The following CRELD2 variants were observed in gnomAD, a reference collection of about 807,000 sequenced individuals.
CRELD2 encodes protein disulfide isomerase CRELD2.
CRELD2 carries 33 observed loss-of-function variants against 48.1 expected under a neutral mutation model. The observed-to-expected ratio is 0.69, with a 90% CI of 0.52 to 0.92. The LOEUF is 0.92. Among genes scored for constraint, CRELD2 ranks in the 40% least tolerant of loss-of-function variants. CRELD2 has a pLI of 0.00. For missense variants in CRELD2, 477 were observed against 482.4 expected (o/e 0.99, Z 0.10); for synonymous variants, 220 against 203.9 (o/e 1.08, Z -0.67).
At chr22:49,921,950 T>G in intron 5 of CRELD2, 189 bp downstream of exon 5, 1 of 641,776 alleles carries the variant, frequency 1.6e-6, no homozygotes, top group Non-Finnish European at 2.7e-6. Context: ...GGGCACTTCC[T>G]GTCCCGTAAC....
Position 49,918,811 on chromosome 22 carries a change from TCTG to T in CRELD2, c.53_55del (p.Leu18del), listed in dbSNP as rs778994692. 5.4e-5 allele frequency: 72 copies of T among 1,330,246 alleles called. No individual in the cohort carries two copies. Among genetic ancestry groups the T allele is most frequent in the South Asian group, 3.3e-4 (17 of 51,392 alleles). The allele number at this position is 1,330,246 out of a possible 1,614,324, so 82.4% of individuals were successfully genotyped here. A position where few individuals can be genotyped will look rare whatever the true frequency, so the allele number is the denominator to read the frequency against. On this transcript the variant is annotated inframe_deletion, in exon 1 of 10. Coordinates refer to ENST00000328268, the MANE Select transcript of CRELD2 (RefSeq NM_024324.5). ...GGGCCGCGCTGGGGCTCCTGCCGCT[TCTG>T]CTGCTGCTGCCGCCCGCGCCGGAGG...
Position 49,920,015 on chromosome 22 carries a change from TAAG to T in CRELD2, c.324-140_324-138del, listed in dbSNP as rs1341535081. 5.2e-6 allele frequency: 4 copies of T among 774,692 alleles called. No homozygotes were observed. The African/African-American group carries it at 7.0e-5, about 14-fold the overall frequency. The allele number at this position is 774,692 out of a possible 1,614,324, so 48.0% of individuals were successfully genotyped here. On this transcript the variant is annotated intron_variant, in intron 3 of 9. Coordinates refer to ENST00000328268, the MANE Select transcript of CRELD2 (RefSeq NM_024324.5). ...GAGTCAGCGATCAAAACCAGGAAAT[TAAG>T]GAGAAGATTCTGTCCACACCTAGAC...
At chr22:49,920,076 C>A in intron 3 of CRELD2, 80 bp from the exon 4 acceptor site, 1 of 937,470 alleles carries the variant, frequency 1.1e-6, no homozygotes. Flanking sequence ...TACTCCAGAG[C>A]ATATGTTACG....
Position 49,922,600 on chromosome 22 carries a change from T to C in CRELD2, c.593-12T>C, listed in dbSNP as rs1232478440. The C allele has an allele frequency of 2.0e-6, 3 of 1,534,376 alleles. No individual in the cohort carries two copies. Among genetic ancestry groups the C allele is most frequent in the Admixed American group, 2.0e-5 (1 of 50,602 alleles). On this transcript the variant is annotated splice_polypyrimidine_tract_variant and intron_variant, in intron 5 of 9. Transcript: ENST00000328268. ...AGTGGGGTTTGTACCCAGGCCCGCC[T>C]TTGCCTTCCAGCCTGTGACGAGTCC...
chr22:49,921,814 C>T, intron 5 of CRELD2, 53 bp downstream of exon 5: 2 of 1,553,432 alleles, frequency 1.3e-6, no homozygotes, highest in Non-Finnish European at 1.7e-6. Flanking sequence ...GACAAGAGCC[C>T]CTTGCTGGAG....
chr22:49,924,666 G>C (rs985618211), intron 8 of CRELD2: 3 of 420,394 alleles, frequency 7.1e-6, no homozygotes, highest in South Asian at 6.1e-5. Flanking sequence ...GCCGACCCTG[G>C]TGTGGATGGC....
intron 4 of CRELD2, 108 bp from the exon 5 acceptor site, chr22:49,921,477 C>T (rs771718515): frequency 1.3e-5 from 15 of 1,163,260 alleles, no homozygotes; most frequent in Middle Eastern, 2.3e-4. Flanking sequence ...GGCTCATGTA[C>T]GTCCTCAGAA....
intron 9 of CRELD2, chr22:49,926,627 C>T (rs1333302243): frequency 1.0e-5 from 1 of 100,244 alleles, no homozygotes; most frequent in African/African-American, 3.8e-5. Context: ...CACCCTCGGT[C>T]CCCTCTTGCC....
At chr22:49,922,249 G>T (rs747174033) in intron 5 of CRELD2, 2 of 1,560,244 alleles carry the variant, frequency 1.3e-6, no homozygotes, top group South Asian at 1.2e-5. Flanking sequence ...ACAGACCCGT[G>T]GATCGATAGT....
chr22:49,918,824 C>T lies in CRELD2; in HGVS notation c.55C>T (p.Pro19Ser). ...LGLLPLLLLLPPAPEAAKKPT... is the reference protein window; with the variant it reads ...LGLLPLLLLLSPAPEAAKKPT... ...GCTCCTGCCGCTTCTGCTGCTGCTGCCGCCCGCGCCGGAGGCCGCCAAGAA... is the reference window on the plus strand; with the variant it reads ...GCTCCTGCCGCTTCTGCTGCTGCTGTCGCCCGCGCCGGAGGCCGCCAAGAA... The change falls in exon 1 of 10, where the codon CCG becomes TCG. Residue 19 changes from proline (P) to serine (S), a missense_variant. Coordinates refer to ENST00000328268, the MANE Select transcript of CRELD2 (RefSeq NM_024324.5). The T allele has an allele frequency of 7.5e-7, 1 of 1,326,498 alleles. No homozygotes were observed. The highest frequency in any genetic ancestry group is 2.0e-5 in the South Asian group (1 of 50,744). The allele number at this position is 1,326,498 out of a possible 1,614,324, so 82.2% of individuals were successfully genotyped here.
intron 2 of CRELD2, 103 bp from the exon 3 acceptor site, chr22:49,919,627 T>G (rs1005739719): frequency 2.1e-5 from 17 of 813,950 alleles, no homozygotes; most frequent in African/African-American, 3.5e-5. Flanking sequence ...GTGCCCGGAG[T>G]CCTGGCTCCC....
Position 49,925,432 on chromosome 22 carries a change from C to T in CRELD2, c.884C>T (p.Ser295Leu), listed in dbSNP as rs866201009. 7.5e-6 allele frequency: 12 copies of T among 1,610,624 alleles called. No homozygotes were observed. Among genetic ancestry groups the T allele is most frequent in the Middle Eastern group, 1.7e-4 (1 of 6,050 alleles). The change falls in exon 9 of 10, where the codon TCA becomes TTA. Residue 295 changes from serine to leucine, a missense_variant. Ser to Leu is a moderately radical substitution (Grantham distance 145). Coordinates refer to ENST00000328268, the MANE Select transcript of CRELD2 (RefSeq NM_024324.5). ...HGQCADVDEC[S>L]LAEKTCVRKN... is the part of the protein sequence containing the mutation. ...TTCATTTTAGATGTGGACGAGTGCT[C>T]ACTAGCAGAAAAAACCTGTGTGAGG...
intron 4 of CRELD2, among the ~76,000 whole-genome samples, chr22:49,920,730 A>T (rs1363718993): frequency 6.6e-6 from 1 of 152,234 alleles, no homozygotes; most frequent in Non-Finnish European, 1.5e-5. Flanking sequence ...AGAAGTGTGC[A>T]TTGAAACTGA....
At chr22:49,923,195 C>G in intron 6 of CRELD2, 39 bp from the exon 7 acceptor site, 1 of 1,489,584 alleles carries the variant, frequency 6.7e-7, no homozygotes, top group South Asian at 1.4e-5. Context: ...CCTGGCCGGG[C>G]TGTCCTGGGC....
chr22:49,921,018 C>A (rs1011061807), intron 4 of CRELD2, among the ~76,000 whole-genome samples: 2 of 152,222 alleles, frequency 1.3e-5, no homozygotes, highest in Admixed American at 1.3e-4. Context: ...CTGAGAAATG[C>A]GTCATTAGGC....
chr22:49,919,322 C>CT lies in CRELD2; in HGVS notation c.212+11dup. The CT allele has an allele frequency of 1.2e-6, 2 of 1,612,430 alleles. No homozygotes were observed. Among genetic ancestry groups the CT allele is most frequent in the East Asian group, 2.2e-5 (1 of 44,878 alleles). ...CCAAGTACGAGTCCAGGTGGGTGCCCTGGAGCACCCCTGTGGGTCTTGGCC... is the reference window on the plus strand; with the variant it reads ...CCAAGTACGAGTCCAGGTGGGTGCCCTTGGAGCACCCCTGTGGGTCTTGGCC... On this transcript the variant is annotated intron_variant, in intron 2 of 9. Transcript: ENST00000328268.
chr22:49,921,908 G>A (rs574443525), intron 5 of CRELD2, 147 bp downstream of exon 5: 2 of 781,620 alleles, frequency 2.6e-6, no homozygotes, highest in East Asian at 2.7e-5. Context: ...AAGGATGAAT[G>A]AAAACATCAG....
rs747593378 is a variant in CRELD2 at position 49,923,272 on chromosome 22, G to A, written c.727G>A (p.Ala243Thr). Residue 243 changes from alanine (A) to threonine (T), a missense_variant, in exon 7 of 10, where the codon GCT becomes ACT. Physicochemically the swap from Ala to Thr is moderately conservative, Grantham distance 58. Coordinates refer to ENST00000328268, the MANE Select transcript of CRELD2 (RefSeq NM_024324.5). ...TGCGGCCGAGCCGCCTCCCTGCAGCGCTGCGCAGTTCTGTAAGAACGCCAA... is the reference window on the plus strand; with the variant it reads ...TGCGGCCGAGCCGCCTCCCTGCAGCACTGCGCAGTTCTGTAAGAACGCCAA... ...ECAAEPPPCSAAQFCKNANGS... is the reference protein window; with the variant it reads ...ECAAEPPPCSTAQFCKNANGS... 1.7e-4 allele frequency: 273 copies of A among 1,607,678 alleles called. 1 individual carries two copies. The highest frequency in any genetic ancestry group is 3.3e-4 in the Middle Eastern group (2 of 6,052).
At chr22:49,924,517 G>A (rs531703668) in intron 8 of CRELD2, 62 bp downstream of exon 8, 14 of 1,224,040 alleles carry the variant, frequency 1.1e-5, no homozygotes, top group Middle Eastern at 1.9e-4. Flanking sequence ...TGATGTGAAT[G>A]GCCCCAGCAG....
Sources: allele counts gnomAD v4.1 joint callset (sites outside exome capture counted in the v4.1 genomes callset), GRCh38; gene constraint gnomAD v4.1.1; transcripts MANE v1.5; gene names NCBI Gene and HGNC (gene_info 2026-07-23, HGNC 2026-07-21).